TRIO: variants seen among roughly 807,000 people sequenced by gnomAD.
The protein encoded by TRIO is trio Rho guanine nucleotide exchange factor.
Under a neutral mutation model 351.9 loss-of-function variants are expected in TRIO, and 58 were observed. The ratio of observed to expected loss-of-function variants is 0.16; its 90% CI spans 0.13 to 0.21. TRIO has a LOEUF of 0.21. TRIO is among the 10% of genes least tolerant of loss of function. The probability of loss-of-function intolerance (pLI) is 1.00; values close to 1 mark genes in which losing one functional copy is unlikely to be tolerated. For synonymous variants in TRIO, 1,758 were observed against 1,595.7 expected, an observed-to-expected ratio of 1.10 and a Z score of -2.42; for missense variants, 3,201 against 4,027.8, an observed-to-expected ratio of 0.79 and a Z score of 5.56.
At chr5:14,337,949 A>G (rs1030918808) in intron 11 of TRIO, among the ~76,000 whole-genome samples, 5 of 152,166 alleles carry the variant, frequency 3.3e-5, no homozygotes, top group African/African-American at 1.2e-4. Context: ...CAGGATAGAA[A>G]CTGGCACAGC....
At chr5:14,304,684 C>T (rs1200852118) in intron 8 of TRIO, 92 bp downstream of exon 8, 21 of 1,420,538 alleles carry the variant, frequency 1.5e-5, no homozygotes, top group Admixed American at 4.6e-5. Flanking sequence ...TTGGGTAGCC[C>T]AGAAAAAGTT....
At chr5:14,293,163 G>A (rs774634724) in intron 6 of TRIO, 29 bp downstream of exon 6, 5 of 1,613,478 alleles carry the variant, frequency 3.1e-6, no homozygotes, top group Non-Finnish European at 4.2e-6. Context: ...CTGGACCCTG[G>A]CATGTGACAG....
intron 19 of TRIO, among the ~76,000 whole-genome samples, chr5:14,376,582 A>C (rs1038522241): frequency 6.6e-6 from 1 of 152,210 alleles, no homozygotes; most frequent in Non-Finnish European, 1.5e-5. Flanking sequence ...GTCAGAATTT[A>C]AAGATCTGCT....
intron 48 of TRIO, among the ~76,000 whole-genome samples, chr5:14,489,343 C>T (rs188537692): frequency 5.3e-5 from 8 of 152,254 alleles, no homozygotes; most frequent in Admixed American, 3.9e-4. Flanking sequence ...TTGAAGTGGC[C>T]GGGTAGGCAT....
At chr5:14,507,409 ATCTC>A (rs111969821) in intron 56 of TRIO, 149 bp downstream of exon 56, 9 of 963,030 alleles carry the variant, frequency 9.3e-6, no homozygotes, top group Non-Finnish European at 1.3e-5. Context: ...CTGATTGCTA[ATCTC>A]TCTCTCTAAG....
At chr5:14,251,735 C>G (rs1794757820) in intron 1 of TRIO, among the ~76,000 whole-genome samples, 1 of 152,144 alleles carries the variant, frequency 6.6e-6, no homozygotes, top group Non-Finnish European at 1.5e-5. Context: ...ACAATTGGGG[C>G]CTTGAATTCA....
At chr5:14,501,068 T>G (rs1408971867) in intron 53 of TRIO, among the ~76,000 whole-genome samples, 1 of 150,350 alleles carries the variant, frequency 6.7e-6, no homozygotes, top group Non-Finnish European at 1.5e-5. Context: ...AAAATGTTTA[T>G]TTAAAAAAAA....
At chr5:14,302,247 GA>G (rs1737966293) in intron 7 of TRIO, among the ~76,000 whole-genome samples, 1 of 152,106 alleles carries the variant, frequency 6.6e-6, no homozygotes, top group Admixed American at 6.5e-5. Context: ...TTATATAACT[GA>G]AATGTGTTTC....
intron 9 of TRIO, among the ~76,000 whole-genome samples, chr5:14,330,249 A>G (rs1472581274): frequency 6.6e-6 from 1 of 152,228 alleles, no homozygotes; most frequent in Non-Finnish European, 1.5e-5. Flanking sequence ...TCTTAGTTTA[A>G]AGAATAAATT....
rs1390722133 is a variant in TRIO, at chr5:14,509,802, T to C, written c.*1380T>C. On this transcript the variant is annotated 3_prime_UTR_variant, in exon 57 of 57. Transcript: ENST00000344204. ...GGGTTTCTGGGCACCCTCGAAGTTT[T>C]CTGGATGTCTTTTTATCTTTCTCGT... 8.4e-5 allele frequency: 16 copies of C among 189,862 alleles called. No individual in the cohort carries two copies. Among genetic ancestry groups the C allele is most frequent in the Non-Finnish European group, 1.6e-4 (15 of 91,868 alleles). The allele number at this position is 189,862 out of a possible 1,614,324, so 11.8% of individuals were successfully genotyped here. A position where few individuals can be genotyped will look rare whatever the true frequency, so the allele number is the denominator to read the frequency against.
At chr5:14,299,819 G>A (rs1006315985) in intron 7 of TRIO, among the ~76,000 whole-genome samples, 3 of 152,208 alleles carry the variant, frequency 2.0e-5, no homozygotes, top group African/African-American at 7.2e-5. Flanking sequence ...GCTCAAATAT[G>A]TGACTCCATG....
In TRIO at chr5:14,145,499, C is replaced by G. The variant is rs1372626403; in HGVS notation, c.157+1617C>G. Among the ~76,000 whole-genome samples, 3 of 151,792 alleles carry G rather than the reference C, an allele frequency of 2.0e-5. No homozygotes were observed. In the East Asian group the frequency reaches 5.8e-4, roughly 29 times the overall value. On this transcript the variant is annotated intron_variant, in intron 1 of 56. Coordinates refer to ENST00000344204, the MANE Select transcript of TRIO (RefSeq NM_007118.4). Reference sequence around the variant, plus strand: ...CTCCTTCTAAAGAAAGCTACCCCCCCCCACCTTTTTTTTTTTGGTGCGACT... The same window carrying G: ...CTCCTTCTAAAGAAAGCTACCCCCCGCCACCTTTTTTTTTTTGGTGCGACT...
intron 32 of TRIO, 148 bp from the exon 33 acceptor site, chr5:14,406,425 G>C (rs547394949): frequency 9.7e-6 from 7 of 724,460 alleles, no homozygotes; most frequent in Non-Finnish European, 1.7e-5. Context: ...GCCTGTGCTC[G>C]GTGAAGGGTG....
chr5:14,232,255 C>T (rs1404678127), intron 1 of TRIO, among the ~76,000 whole-genome samples: 1 of 152,168 alleles, frequency 6.6e-6, no homozygotes, highest in African/African-American at 2.4e-5. Flanking sequence ...GAGGCATGCC[C>T]TCCTGCCATA....
intron 11 of TRIO, among the ~76,000 whole-genome samples, chr5:14,351,552 C>G (rs1743115189): frequency 6.6e-6 from 1 of 152,262 alleles, no homozygotes; most frequent in African/African-American, 2.4e-5. Context: ...GCAACAGCTT[C>G]TGTTCACCAA....
At chr5:14,298,579 G>T (rs1343708924) in intron 7 of TRIO, among the ~76,000 whole-genome samples, 1 of 152,172 alleles carries the variant, frequency 6.6e-6, no homozygotes, top group Non-Finnish European at 1.5e-5. Context: ...GAAGAAGTCA[G>T]TAAAGGAAGA....
intron 55 of TRIO, among the ~76,000 whole-genome samples, chr5:14,506,462 T>C (rs1470442416): frequency 6.6e-6 from 1 of 152,216 alleles, no homozygotes; most frequent in Non-Finnish European, 1.5e-5. Context: ...TCTGGAGCTG[T>C]GGGACCTTGG....
At chr5:14,397,400 C>G (rs530861846) in intron 29 of TRIO, 1 of 391,784 alleles carries the variant, frequency 2.6e-6, no homozygotes, top group Non-Finnish European at 4.6e-6. Flanking sequence ...TCCAATAGCA[C>G]TTTGTGTCGC....
intron 4 of TRIO, among the ~76,000 whole-genome samples, chr5:14,288,347 C>G (rs1387199353): frequency 1.3e-5 from 2 of 152,136 alleles, no homozygotes; most frequent in African/African-American, 4.8e-5. Context: ...CTCTCCCCAC[C>G]CAGTGATTGC....
Sources: allele counts gnomAD v4.1 joint callset (sites outside exome capture counted in the v4.1 genomes callset), GRCh38; gene constraint gnomAD v4.1.1; transcripts MANE v1.5; gene names NCBI Gene and HGNC (gene_info 2026-07-23, HGNC 2026-07-21).